Variants in ADAMTSL1 observed in about 807,000 individuals in gnomAD.
ADAMTSL1 encodes ADAMTS like 1.
ADAMTSL1 carries 126 observed loss-of-function variants against 201.8 expected under a neutral mutation model. That is an observed-to-expected ratio of 0.62 (90% CI 0.54 to 0.72). The LOEUF (loss-of-function observed/expected upper bound fraction) is 0.72, where lower values mean the gene tolerates loss of function less well. Ranked by LOEUF, ADAMTSL1 falls within the 30% of genes least tolerant of loss-of-function variation. The pLI is 0.00. For missense variants in ADAMTSL1, 2,679 were observed against 2,277.8 expected, an observed-to-expected ratio of 1.18 and a Z score of -3.59; for synonymous variants, 1,121 against 903.4, an observed-to-expected ratio of 1.24 and a Z score of -4.32.
chr9:18,103,935 T>C lies in ADAMTSL1; in HGVS notation c.88-59927T>C, dbSNP rs12341519. 3.7e-3 allele frequency among the ~76,000 whole-genome samples: 563 copies of C among 152,338 alleles called. 2 individuals are homozygous for C. The highest frequency in any genetic ancestry group is 6.5e-3 in the Non-Finnish European group (445 of 68,026). On this transcript the variant is annotated intron_variant, in intron 1 of 29. Transcript: ENST00000680146. ...GATGTGTATGCTGATATCTGTGATG[T>C]ATTAGCATATTGAAAGCCCTGAGAT... is the stretch of plus-strand genomic sequence containing the variant.
At chr9:18,583,502 G>T (rs1823252747) in intron 4 of ADAMTSL1, among the ~76,000 whole-genome samples, 1 of 152,236 alleles carries the variant, frequency 6.6e-6, no homozygotes, top group Non-Finnish European at 1.5e-5. Context: ...GGGCAGTGCA[G>T]AAGGGAAATG....
intron 2 of ADAMTSL1, among the ~76,000 whole-genome samples, chr9:18,267,771 AAAAC>A (rs1220942765): frequency 2.2e-5 from 3 of 136,490 alleles, no homozygotes; most frequent in Non-Finnish European, 3.3e-5. Context: ...TTAAAAAAAA[AAAAC>A]AAAAACAAAA....
At chr9:18,428,423 C>A (rs1342829511) in intron 2 of ADAMTSL1, among the ~76,000 whole-genome samples, 1 of 131,796 alleles carries the variant, frequency 7.6e-6, no homozygotes, top group African/African-American at 2.8e-5. Flanking sequence ...ATTGTGAGAC[C>A]CCTATGTCTA....
intron 2 of ADAMTSL1, among the ~76,000 whole-genome samples, chr9:18,231,484 T>A (rs1044371015): frequency 1.3e-5 from 2 of 152,214 alleles, no homozygotes; most frequent in African/African-American, 4.8e-5. Context: ...GTTTTCCTCC[T>A]ATTTTTCTGG....
intron 19 of ADAMTSL1, among the ~76,000 whole-genome samples, chr9:18,784,932 G>C (rs562621765): frequency 6.6e-6 from 1 of 152,202 alleles, no homozygotes; most frequent in African/African-American, 2.4e-5. Context: ...TTGGGAGGCC[G>C]AGGTGGGCAG....
chr9:18,805,570 A>G (rs1823058952), intron 20 of ADAMTSL1, among the ~76,000 whole-genome samples: 1 of 152,164 alleles, frequency 6.6e-6, no homozygotes, highest in Non-Finnish European at 1.5e-5. Context: ...GCCACTGTAG[A>G]AGTAGAAAAC....
At chr9:18,835,666 C>T (rs540505543) in intron 23 of ADAMTSL1, among the ~76,000 whole-genome samples, 1 of 152,238 alleles carries the variant, frequency 6.6e-6, no homozygotes, top group South Asian at 2.1e-4. Context: ...CCTTTCCTCT[C>T]TCATTAGTAG....
intron 1 of ADAMTSL1, among the ~76,000 whole-genome samples, chr9:17,963,136 A>G (rs896403981): frequency 1.3e-5 from 2 of 152,216 alleles, no homozygotes; most frequent in Admixed American, 6.5e-5. Flanking sequence ...AAGTGGCCCA[A>G]TTATATCTAG....
chr9:18,589,359 G>C (rs1823758910), intron 4 of ADAMTSL1, among the ~76,000 whole-genome samples: 1 of 151,908 alleles, frequency 6.6e-6, no homozygotes, highest in Non-Finnish European at 1.5e-5. Context: ...TTGCTTTCTT[G>C]ATTTATTTTT....
At chr9:18,177,664 A>G (rs1341944974) in intron 2 of ADAMTSL1, among the ~76,000 whole-genome samples, 1 of 152,206 alleles carries the variant, frequency 6.6e-6, no homozygotes, top group East Asian at 1.9e-4. Flanking sequence ...TATTCCAGCC[A>G]GTGAGAAAGA....
intron 1 of ADAMTSL1, among the ~76,000 whole-genome samples, chr9:18,010,558 C>T (rs1003085901): frequency 2.6e-5 from 4 of 151,970 alleles, no homozygotes; most frequent in African/African-American, 7.2e-5. Flanking sequence ...CACAATTCAA[C>T]ATCTGCTGAA....
chr9:18,033,536 A>T (rs1176527794), intron 1 of ADAMTSL1, among the ~76,000 whole-genome samples: 1 of 152,182 alleles, frequency 6.6e-6, no homozygotes, highest in East Asian at 1.9e-4. Flanking sequence ...AACTGAAAAA[A>T]GGTTTTAGGG....
At chr9:18,265,518 T>C (rs1051231545) in intron 2 of ADAMTSL1, among the ~76,000 whole-genome samples, 4 of 152,320 alleles carry the variant, frequency 2.6e-5, no homozygotes, top group Admixed American at 6.5e-5. Flanking sequence ...CTAGCACCAA[T>C]AGAGTCTCAG....
intron 2 of ADAMTSL1, among the ~76,000 whole-genome samples, chr9:18,323,450 A>G (rs1834705749): frequency 6.6e-6 from 1 of 152,130 alleles, no homozygotes; most frequent in African/African-American, 2.4e-5. Context: ...AAAATAGTAA[A>G]TCCTTTTCCC....
intron 9 of ADAMTSL1, among the ~76,000 whole-genome samples, chr9:18,673,870 A>G (rs1434338764): frequency 1.3e-5 from 2 of 152,176 alleles, no homozygotes; most frequent in Non-Finnish European, 2.9e-5. Flanking sequence ...CAGTGTATGT[A>G]CAAACTTACT....
At chr9:18,579,919 G>A (rs985042143) in intron 4 of ADAMTSL1, among the ~76,000 whole-genome samples, 5 of 152,122 alleles carry the variant, frequency 3.3e-5, no homozygotes, top group African/African-American at 1.2e-4. Context: ...TAAAAGAGTA[G>A]CATAAATGTA....
At chr9:18,863,884 AAAATT>A (rs1312756263) in intron 23 of ADAMTSL1, among the ~76,000 whole-genome samples, 2 of 152,192 alleles carry the variant, frequency 1.3e-5, no homozygotes, top group East Asian at 3.9e-4. Context: ...CCAGTTTTGG[AAAATT>A]AAATTAAGGA....
At chr9:18,839,686 C>T (rs1293258350) in intron 23 of ADAMTSL1, among the ~76,000 whole-genome samples, 2 of 152,176 alleles carry the variant, frequency 1.3e-5, no homozygotes, top group Non-Finnish European at 2.9e-5. Context: ...CACATCCTCT[C>T]CAGCACCTGT....
Position 18,232,271 on chromosome 9 carries a change from C to T in ADAMTSL1, c.207+68290C>T, listed in dbSNP as rs1014444411. Among the ~76,000 whole-genome samples, 7 of 152,114 alleles carry T rather than the reference C, an allele frequency of 4.6e-5. No individual in the cohort carries two copies. In the East Asian group the frequency reaches 1.2e-3, roughly 25 times the overall value. On this transcript the variant is annotated intron_variant, in intron 2 of 29. Coordinates refer to the ADAMTSL1 transcript ENST00000680146. Reference sequence around the variant, plus strand: ...TTCCCTCTACTTGGACTGCTCTTCCCCTAGATATCTACAAAGTTGTCCCCC... The same window carrying T: ...TTCCCTCTACTTGGACTGCTCTTCCTCTAGATATCTACAAAGTTGTCCCCC...
Sources: gnomAD v4.1 joint callset for allele counts (sites outside exome capture counted in the v4.1 genomes callset) on GRCh38, gnomAD v4.1.1 for gene constraint, MANE v1.5 for transcripts, NCBI Gene and HGNC (gene_info 2026-07-23, HGNC 2026-07-21) for gene names.